ASH1L: variants seen among roughly 807,000 people sequenced by gnomAD.
ASH1L encodes the protein ASH1 like histone lysine methyltransferase, also known as histone-lysine N-methyltransferase ASH1L.
A neutral mutation model predicts 269.0 loss-of-function variants in ASH1L; 23 were observed. That is an observed-to-expected ratio of 0.09 (90% CI 0.06 to 0.12). ASH1L has a LOEUF of 0.12. Among genes scored for constraint, ASH1L ranks in the 10% least tolerant of loss-of-function variants. The pLI is 1.00. For missense variants in ASH1L, 2,912 were observed against 3,567.8 expected, an observed-to-expected ratio of 0.82 and a Z score of 4.68; for synonymous variants, 1,187 against 1,253.5, an observed-to-expected ratio of 0.95 and a Z score of 1.12.
In ASH1L at chr1:155,478,298, A is replaced by G; in HGVS notation, c.4572T>C (p.Val1524=). 6.2e-7 allele frequency: 1 copy of G among 1,614,184 alleles called. No individual in the cohort carries two copies. Among genetic ancestry groups the G allele is most frequent in the Non-Finnish European group, 8.5e-7 (1 of 1,180,028 alleles). The change falls in exon 3 of 28, where the codon GTT becomes GTC. Residue 1524 remains valine (V), a synonymous_variant. Transcript: ENST00000392403. This position sits in a 1 kb window ranked among gnomAD's most constrained non-coding sequence, Gnocchi z 4.6. ...LKRYRFGKDA[V]GERYKHKEKH... ...TTTCCTTATGCTTATATCGCTCTCC[A>G]ACAGCATCCTTTCCAAATCTATAGC...
chr1:155,545,045 GC>G (rs1670697488), intron 1 of ASH1L, among the ~76,000 whole-genome samples: 1 of 151,400 alleles, frequency 6.6e-6, no homozygotes, highest in South Asian at 2.1e-4. Flanking sequence ...GGTGGTACAT[GC>G]CTGTAATCCC....
At chr1:155,472,227 T>G (rs1367050889) in intron 3 of ASH1L, among the ~76,000 whole-genome samples, 1 of 152,144 alleles carries the variant, frequency 6.6e-6, no homozygotes, top group Non-Finnish European at 1.5e-5. Flanking sequence ...GAGGCGGGTT[T>G]TGCAGTGAGC....
intron 10 of ASH1L, 49 bp downstream of exon 10, chr1:155,378,232 A>G (rs773502105): frequency 7.0e-7 from 1 of 1,427,200 alleles, no homozygotes; most frequent in South Asian, 1.1e-5. Context: ...GAAGTGTTGT[A>G]TGTATACCTT....
intron 2 of ASH1L, among the ~76,000 whole-genome samples, chr1:155,514,524 C>T (rs905896223): frequency 3.3e-5 from 5 of 151,532 alleles, no homozygotes; most frequent in Admixed American, 3.3e-4. Context: ...TGTTTTTTTG[C>T]TAATGATTAC....
intron 7 of ASH1L, among the ~76,000 whole-genome samples, chr1:155,389,527 G>A (rs986249389): frequency 5.9e-5 from 9 of 151,742 alleles, no homozygotes; most frequent in African/African-American, 2.2e-4. Flanking sequence ...ACAAAAATTA[G>A]CTGGGCATGG....
chr1:155,363,627 G>A (rs1313150474), intron 12 of ASH1L, among the ~76,000 whole-genome samples: 1 of 152,074 alleles, frequency 6.6e-6, no homozygotes, highest in Non-Finnish European at 1.5e-5. Context: ...AGTTTTATAG[G>A]TGCAAAGCCA....
intron 2 of ASH1L, among the ~76,000 whole-genome samples, chr1:155,487,037 T>C (rs1211181001): frequency 2.0e-5 from 3 of 152,032 alleles, no homozygotes; most frequent in Non-Finnish European, 4.4e-5. Context: ...TGGTAGCACA[T>C]GCCTGTAATC....
intron 6 of ASH1L, among the ~76,000 whole-genome samples, chr1:155,407,760 A>G (rs1267368972): frequency 6.6e-6 from 1 of 152,178 alleles, no homozygotes; most frequent in African/African-American, 2.4e-5. Flanking sequence ...TATATACTAC[A>G]ACATGCATGA....
intron 15 of ASH1L, among the ~76,000 whole-genome samples, chr1:155,356,566 C>T (rs929309620): frequency 6.7e-6 from 1 of 148,182 alleles, no homozygotes; most frequent in East Asian, 2.1e-4. Flanking sequence ...ACCCAGGAGG[C>T]GGAGCTTGCA....
chr1:155,360,089 C>A (rs1011739840), intron 13 of ASH1L, among the ~76,000 whole-genome samples: 4 of 151,884 alleles, frequency 2.6e-5, no homozygotes, highest in Admixed American at 2.6e-4. Context: ...AGGGTTTTGT[C>A]ATGTTGGCCA....
chr1:155,463,251 T>C (rs1001279763), intron 3 of ASH1L, among the ~76,000 whole-genome samples: 2 of 152,134 alleles, frequency 1.3e-5, no homozygotes, highest in East Asian at 1.9e-4. Context: ...GAGTGCGATA[T>C]CGTGTTCAGT....
At chr1:155,391,864 G>A (rs1195197686) in intron 7 of ASH1L, among the ~76,000 whole-genome samples, 1 of 152,054 alleles carries the variant, frequency 6.6e-6, no homozygotes, top group Non-Finnish European at 1.5e-5. Flanking sequence ...GCTGAAGTGG[G>A]AGAATCACTT....
At chr1:155,477,803 A>G (rs944007651) in intron 3 of ASH1L, 83 bp downstream of exon 3, 5 of 1,335,528 alleles carry the variant, frequency 3.7e-6, no homozygotes, top group Admixed American at 2.4e-5. Flanking sequence ...ATATATATTA[A>G]AAGTTCATCT....
intron 12 of ASH1L, among the ~76,000 whole-genome samples, chr1:155,362,779 G>T (rs1029438605): frequency 3.3e-5 from 5 of 152,052 alleles, no homozygotes; most frequent in Non-Finnish European, 5.9e-5. Context: ...AGTTTGTTTA[G>T]TTATATAGCA....
chr1:155,493,781 G>A (rs914365946), intron 2 of ASH1L, among the ~76,000 whole-genome samples: 1 of 152,208 alleles, frequency 6.6e-6, no homozygotes, highest in Admixed American at 6.5e-5. Context: ...GGCTGAGGCG[G>A]AAGAATAGCT....
chr1:155,453,858 T>C (rs1663679956), intron 4 of ASH1L, among the ~76,000 whole-genome samples: 1 of 151,594 alleles, frequency 6.6e-6, no homozygotes, highest in South Asian at 2.1e-4. Context: ...ATCCCAGCAC[T>C]TTGGGAGGCT....
At chr1:155,414,412 C>A (rs1019020824) in intron 6 of ASH1L, among the ~76,000 whole-genome samples, 1 of 152,170 alleles carries the variant, frequency 6.6e-6, no homozygotes, top group African/African-American at 2.4e-5. Context: ...CAGGTTCAAG[C>A]GATTCTCCTG....
intron 4 of ASH1L, among the ~76,000 whole-genome samples, chr1:155,440,935 G>C (rs749639339): frequency 1.3e-5 from 2 of 151,950 alleles, no homozygotes; most frequent in Admixed American, 1.3e-4. Context: ...ACCATCCATC[G>C]TGTGGCAGGA....
At chr1:155,515,775 C>T (rs1668459441) in intron 2 of ASH1L, among the ~76,000 whole-genome samples, 1 of 149,196 alleles carries the variant, frequency 6.7e-6, no homozygotes, top group Non-Finnish European at 1.5e-5. Context: ...CTGCAGTGAG[C>T]CGAGATCAAG....
Sources: gnomAD v4.1 joint callset for allele counts (sites outside exome capture counted in the v4.1 genomes callset) on GRCh38, gnomAD v4.1.1 for gene constraint, Gnocchi (gnomAD v3.1) non-coding constraint, MANE v1.5 for transcripts, NCBI Gene and HGNC (gene_info 2026-07-23, HGNC 2026-07-21) for gene names.